Variants in SCHIP1 observed in about 807,000 individuals in gnomAD.
The protein encoded by SCHIP1 is schwannomin interacting protein 1.
A neutral mutation model predicts 29.7 loss-of-function variants in SCHIP1; 8 were observed. The ratio of observed to expected loss-of-function variants is 0.27; its 90% CI spans 0.16 to 0.49. SCHIP1 has a LOEUF of 0.49. Among genes scored for constraint, SCHIP1 ranks in the 20% least tolerant of loss-of-function variants. SCHIP1 has a pLI of 0.99. For missense variants in SCHIP1, 193 were observed against 294.6 expected, an observed-to-expected ratio of 0.66 and a Z score of 2.52; for synonymous variants, 76 against 94.9, an observed-to-expected ratio of 0.80 and a Z score of 1.16.
the SCHIP1 span, among the ~76,000 whole-genome samples, chr3:159,468,462 C>T: frequency 1.3e-4 from 19 of 151,948 alleles, no homozygotes; most frequent in African/African-American, 4.3e-4. Flanking sequence ...GTGATTTGAC[C>T]TCACAATTAA....
the SCHIP1 span, among the ~76,000 whole-genome samples, chr3:159,708,378 A>C: frequency 1.1e-4 from 17 of 152,228 alleles, no homozygotes; most frequent in Non-Finnish European, 2.2e-4. Flanking sequence ...CCCCAGGAGA[A>C]GCCTAAATTG....
chr3:159,526,178 CTTTTA>C, the SCHIP1 span, among the ~76,000 whole-genome samples: 12 of 152,028 alleles, frequency 7.9e-5, no homozygotes, highest in African/African-American at 2.9e-4. Flanking sequence ...ATGACACAAC[CTTTTA>C]TTTTATTTTA....
the SCHIP1 span, among the ~76,000 whole-genome samples, chr3:159,385,842 C>G: frequency 2.6e-5 from 4 of 152,132 alleles, no homozygotes; most frequent in African/African-American, 9.7e-5. Context: ...CTATCCCTCC[C>G]CTAGCCCCCC....
chr3:159,817,517 C>A, the SCHIP1 span, among the ~76,000 whole-genome samples: 1 of 152,110 alleles, frequency 6.6e-6, no homozygotes. Context: ...TTGCCCGTAT[C>A]TGTACTTCTG....
At chr3:159,751,971 C>A in the SCHIP1 span, among the ~76,000 whole-genome samples, 1 of 152,142 alleles carries the variant, frequency 6.6e-6, no homozygotes, top group African/African-American at 2.4e-5. Flanking sequence ...CCCCTCAGGG[C>A]TATTCTCGTG....
chr3:159,426,594 C>T, the SCHIP1 span, among the ~76,000 whole-genome samples: 26 of 152,188 alleles, frequency 1.7e-4, no homozygotes, highest in African/African-American at 5.1e-4. Flanking sequence ...CAGCCAAATT[C>T]TACCAGAGGT....
the SCHIP1 span, among the ~76,000 whole-genome samples, chr3:159,762,488 A>G: frequency 6.6e-6 from 1 of 152,176 alleles, no homozygotes; most frequent in Non-Finnish European, 1.5e-5. Context: ...TTCCATCTGG[A>G]CTGTGCCACG....
chr3:159,650,968 AC>A, the SCHIP1 span, among the ~76,000 whole-genome samples: 2 of 152,170 alleles, frequency 1.3e-5, no homozygotes, highest in South Asian at 4.1e-4. Flanking sequence ...TGGCAGTGTG[AC>A]CTTAGGCAAA....
the SCHIP1 span, among the ~76,000 whole-genome samples, chr3:159,305,197 TGCTG>T: frequency 6.6e-6 from 1 of 152,192 alleles, no homozygotes; most frequent in Non-Finnish European, 1.5e-5. Context: ...CCCAGAGCCC[TGCTG>T]GGTCCAGTAG....
chr3:159,841,038 G>C (rs1263994016), intron 1 of SCHIP1, among the ~76,000 whole-genome samples: 1 of 152,136 alleles, frequency 6.6e-6, no homozygotes. Flanking sequence ...CCAAATCTTG[G>C]AGAGTTAATA....
chr3:159,771,714 G>A, the SCHIP1 span, among the ~76,000 whole-genome samples: 3 of 150,124 alleles, frequency 2.0e-5, no homozygotes, highest in Non-Finnish European at 4.4e-5. Flanking sequence ...TTTTAAATTA[G>A]GTTGCAGGCA....
chr3:159,371,958 T>A, the SCHIP1 span, among the ~76,000 whole-genome samples: 2 of 152,292 alleles, frequency 1.3e-5, no homozygotes, highest in East Asian at 3.9e-4. Context: ...TATTTACCTG[T>A]GTTAATTTTT....
At chr3:159,558,698 A>G in the SCHIP1 span, among the ~76,000 whole-genome samples, 1 of 152,188 alleles carries the variant, frequency 6.6e-6, no homozygotes, top group African/African-American at 2.4e-5. Flanking sequence ...GTAGCCCCTT[A>G]CTAGCTCACT....
the SCHIP1 span, chr3:159,763,956 GGGGCCGGGCCGGGCC>G: frequency 6.6e-6 from 1 of 151,150 alleles, no homozygotes; most frequent in Non-Finnish European, 1.5e-5. Context: ...GGGGCGGGGC[GGGGCCGGGCCGGGCC>G]GGGCCGGGGC....
the SCHIP1 span, among the ~76,000 whole-genome samples, chr3:159,344,346 G>T: frequency 6.6e-6 from 1 of 150,534 alleles, no homozygotes; most frequent in African/African-American, 2.4e-5. Context: ...AAATTAAGTT[G>T]TATCTTGGTT....
chr3:159,640,391 C>T, the SCHIP1 span, among the ~76,000 whole-genome samples: 13 of 152,110 alleles, frequency 8.5e-5, no homozygotes, highest in Non-Finnish European at 1.6e-4. Flanking sequence ...TGAGTGTGGG[C>T]GGTCAAATCT....
chr3:159,711,348 G>A, the SCHIP1 span, among the ~76,000 whole-genome samples: 7 of 46,966 alleles, frequency 1.5e-4, 1 homozygote, highest in Admixed American at 8.2e-4. Flanking sequence ...GCGACAGAGC[G>A]AGACTCCGTC....
At chr3:159,419,073 A>AC in the SCHIP1 span, among the ~76,000 whole-genome samples, 47 of 152,330 alleles carry the variant, frequency 3.1e-4, no homozygotes, top group South Asian at 8.3e-4. Flanking sequence ...ACAAAAAAAA[A>AC]CATGAGGCAG....
chr3:159,764,151 C>T, the SCHIP1 span: 2 of 377,170 alleles, frequency 5.3e-6, no homozygotes, highest in Non-Finnish European at 9.5e-6. This position sits in a 1 kb window ranked among gnomAD's most constrained non-coding sequence, Gnocchi z 6.1. Flanking sequence ...AATACAAAGT[C>T]TGCGCGCGCC....
Sources: gnomAD v4.1 joint callset for allele counts (sites outside exome capture counted in the v4.1 genomes callset) on GRCh38, gnomAD v4.1.1 for gene constraint, Gnocchi (gnomAD v3.1) non-coding constraint, MANE v1.5 for transcripts, NCBI Gene and HGNC (gene_info 2026-07-23, HGNC 2026-07-21) for gene names.